Variants in JKAMP observed in about 807,000 individuals in gnomAD.
The protein encoded by JKAMP is JNK1/MAPK8-associated membrane protein.
JKAMP carries 20 observed loss-of-function variants against 40.2 expected under a neutral mutation model. The ratio of observed to expected loss-of-function variants is 0.50; its 90% confidence interval spans 0.35 to 0.72. The LOEUF is 0.72. JKAMP is among the 30% of genes least tolerant of loss of function. The pLI, the probability that JKAMP is intolerant of heterozygous loss-of-function variation, is 0.01. For missense variants in JKAMP, 276 were observed against 373.0 expected (o/e 0.74, Z 2.14); for synonymous variants, 138 against 131.6 (o/e 1.05, Z -0.33).
chr14:59,487,922 TA>T (rs1890703307), intron 3 of JKAMP, 94 bp downstream of exon 3: 1 of 1,141,310 alleles, frequency 8.8e-7, no homozygotes, highest in East Asian at 2.4e-5. Context: ...TCTTCTGTTT[TA>T]AAAGTGGTAA....
chr14:59,491,359 C>G (rs1313523598), intron 3 of JKAMP, among the ~76,000 whole-genome samples: 1 of 152,086 alleles, frequency 6.6e-6, no homozygotes, highest in East Asian at 1.9e-4. Context: ...GAGAGGAGTT[C>G]TAAAATTGTA....
Position 59,504,162 on chromosome 14 carries a change from T to C in JKAMP, c.*90T>C, listed in dbSNP as rs976835167. On this transcript the variant is annotated 3_prime_UTR_variant, in exon 7 of 7. Coordinates refer to ENST00000616435, the MANE Select transcript of JKAMP (RefSeq NM_016475.5). Reference sequence around the variant, plus strand: ...ACAGTGTATGAGAACTATTCTATCATATATGGGAACAAGATTGTCAGTATA... The same window carrying C: ...ACAGTGTATGAGAACTATTCTATCACATATGGGAACAAGATTGTCAGTATA... 2 of 733,692 alleles carry C rather than the reference T, an allele frequency of 2.7e-6. No individual in the cohort carries two copies. The highest frequency in any genetic ancestry group is 4.6e-6 in the Non-Finnish European group (2 of 435,144). 45.4% of individuals were successfully genotyped at this position (733,692 alleles called of 1,614,324 possible).
intron 1 of JKAMP, chr14:59,485,917 G>GT (rs1890532480): frequency 6.6e-6 from 1 of 150,402 alleles, no homozygotes; most frequent in African/African-American, 2.5e-5. Flanking sequence ...CACCGAGCCT[G>GT]TTTGTTTGTT....
At chr14:59,485,231 T>A (rs568049281) in intron 1 of JKAMP, 57 of 1,131,890 alleles carry the variant, frequency 5.0e-5, no homozygotes, top group Non-Finnish European at 6.9e-5. Flanking sequence ...ATCTACTAGA[T>A]GTAAAGCCCA....
intron 3 of JKAMP, among the ~76,000 whole-genome samples, chr14:59,489,186 T>C (rs934559278): frequency 7.9e-6 from 1 of 126,474 alleles, no homozygotes; most frequent in Non-Finnish European, 1.7e-5. Flanking sequence ...TCCGCTTTCC[T>C]TTTTAAGTAT....
At chr14:59,484,818 G>A in intron 1 of JKAMP, 1 of 945,408 alleles carries the variant, frequency 1.1e-6, no homozygotes, top group South Asian at 1.7e-5. Context: ...CGAAATGCCA[G>A]GTCTTTGTTG....
chr14:59,505,091 A>G lies in JKAMP; in HGVS notation c.*1019A>G. 1 of 442,894 alleles carries G rather than the reference A, an allele frequency of 2.3e-6. No homozygotes were observed. The allele number at this position is 442,894 out of a possible 1,614,324, so 27.4% of individuals were successfully genotyped here. The stretch of plus-strand genomic sequence containing the variant: ...ATCCATTTTTATTGTTTAGAAGTTT[A>G]TTTACTGATACTTGGTGGAGGTTGT... On this transcript the variant is annotated 3_prime_UTR_variant, in exon 7 of 7. Coordinates refer to ENST00000616435, the MANE Select transcript of JKAMP (RefSeq NM_016475.5).
chr14:59,502,763 T>TTTTTTGTTTTTG (rs1892019284), intron 6 of JKAMP, among the ~76,000 whole-genome samples: 2 of 134,124 alleles, frequency 1.5e-5, no homozygotes, highest in African/African-American at 2.8e-5. Context: ...TTTTTTTTTT[T>TTTTTTGTTTTTG]TTTTTTTTTT....
intron 6 of JKAMP, among the ~76,000 whole-genome samples, chr14:59,501,934 A>G (rs868542925): frequency 3.3e-5 from 5 of 152,178 alleles, no homozygotes; most frequent in Admixed American, 1.3e-4. Context: ...ATCTTTTGAC[A>G]CATTTGTAGT....
In JKAMP at chr14:59,484,523, C is replaced by T. The variant is rs1380599990; in HGVS notation, c.-67C>T. On this transcript the variant is annotated 5_prime_UTR_variant, in exon 1 of 7. Transcript: ENST00000616435. The stretch of plus-strand genomic sequence containing the variant: ...CGGAGCCGCCGAGCTCGCTGTGGCC[C>T]GGATGTTCGGTGCAGCTGCCAGATC... 1.7e-5 allele frequency: 27 copies of T among 1,550,006 alleles called. No homozygotes were observed. The highest frequency in any genetic ancestry group is 1.3e-4 in the South Asian group (11 of 84,484).
intron 1 of JKAMP, chr14:59,484,856 T>G: frequency 8.9e-7 from 1 of 1,120,794 alleles, no homozygotes; most frequent in Non-Finnish European, 1.2e-6. Flanking sequence ...CTTCAGTCCC[T>G]TAGTTTAATG....
intron 3 of JKAMP, among the ~76,000 whole-genome samples, chr14:59,492,253 TA>T (rs5809032): frequency 8.1e-4 from 120 of 147,788 alleles, no homozygotes; most frequent in Admixed American, 1.6e-3. Context: ...CTTGCCAAAA[TA>T]AAAAAAAAGG....
At chr14:59,497,593 T>C (rs1036374593) in intron 4 of JKAMP, among the ~76,000 whole-genome samples, 3 of 152,188 alleles carry the variant, frequency 2.0e-5, no homozygotes, top group Non-Finnish European at 4.4e-5. Flanking sequence ...ACTAATTCAT[T>C]AGAAGAGGTA....
intron 4 of JKAMP, among the ~76,000 whole-genome samples, chr14:59,496,369 C>G (rs760784624): frequency 1.5e-3 from 229 of 151,742 alleles, no homozygotes; most frequent in African/African-American, 5.4e-3. Flanking sequence ...TGTCATATAA[C>G]TCTCCTAAGG....
chr14:59,501,127 T>G, intron 5 of JKAMP, 64 bp from the exon 6 acceptor site: 1 of 1,009,972 alleles, frequency 9.9e-7, no homozygotes, highest in Non-Finnish European at 1.5e-6. Flanking sequence ...TATTTGAATT[T>G]ATTTGATGGT....
chr14:59,494,006 C>T (rs1891232152), intron 3 of JKAMP, among the ~76,000 whole-genome samples: 1 of 152,024 alleles, frequency 6.6e-6, no homozygotes, highest in African/African-American at 2.4e-5. Flanking sequence ...ACTGGCAATT[C>T]AAATGGGAAA....
At position 59,501,236 on chromosome 14, in the gene JKAMP, T is replaced by A. The variant is rs1295167687; in HGVS notation, c.686T>A (p.Leu229Gln). Residue 229 changes from leucine (L) to glutamine (Q), a missense_variant, in exon 6 of 7, where the codon CTG (leucine) becomes CAG (glutamine). Leu to Gln is a moderately radical substitution (Grantham distance 113). Transcript: ENST00000616435. ...ATATTAGTGTTATCTTTGGTTACTCTGGCTGTGTACATGTCTGCTTCTGAA... is the reference window on the plus strand; with the variant it reads ...ATATTAGTGTTATCTTTGGTTACTCAGGCTGTGTACATGTCTGCTTCTGAA... Reference protein sequence around the residue: ...YIILVLSLVTLAVYMSASEIE... With the variant: ...YIILVLSLVTQAVYMSASEIE... The A allele has an allele frequency of 2.5e-6, 4 of 1,605,406 alleles. No homozygotes were observed. The highest frequency in any genetic ancestry group is 3.4e-6 in the Non-Finnish European group (4 of 1,173,044).
intron 3 of JKAMP, among the ~76,000 whole-genome samples, chr14:59,488,760 C>T (rs573461678): frequency 4.6e-5 from 7 of 152,302 alleles, no homozygotes; most frequent in Admixed American, 1.3e-4. Context: ...CTTTCCCTTC[C>T]TGCAAACTCT....
chr14:59,487,968 T>C, intron 3 of JKAMP, 140 bp downstream of exon 3: 1 of 829,958 alleles, frequency 1.2e-6, no homozygotes, highest in Admixed American at 2.3e-5. Context: ...TATTCTTAAC[T>C]GTGACAAGAA....
Sources: allele counts gnomAD v4.1 joint callset (sites outside exome capture counted in the v4.1 genomes callset), GRCh38; gene constraint gnomAD v4.1.1; transcripts MANE v1.5; gene names NCBI Gene and HGNC (gene_info 2026-07-23, HGNC 2026-07-21).